Variants in PRKN observed in about 807,000 individuals in gnomAD.
PRKN encodes parkin RBR E3 ubiquitin protein ligase, also known as E3 ubiquitin-protein ligase parkin.
PRKN carries 56 observed loss-of-function variants against 59.5 expected under a neutral mutation model. The ratio of observed to expected loss-of-function variants is 0.94; its 90% CI spans 0.76 to 1.18. PRKN has a LOEUF of 1.18. Among genes scored for constraint, PRKN ranks in the 50% most tolerant of loss-of-function variants. The pLI is 0.00. For synonymous variants in PRKN, 250 were observed against 222.1 expected, an observed-to-expected ratio of 1.13 and a Z score of -1.12; for missense variants, 657 against 596.4, an observed-to-expected ratio of 1.10 and a Z score of -1.06.
At position 162,296,337 on chromosome 6, in the gene PRKN, A is replaced by G. The variant is rs1270185681; in HGVS notation, c.172-33572T>C. 3.3e-5 allele frequency among the ~76,000 whole-genome samples: 5 copies of G among 151,712 alleles called. No individual in the cohort carries two copies. The East Asian group carries it at 9.8e-4, about 30-fold the overall frequency. On this transcript the variant is annotated intron_variant, in intron 2 of 11. Transcript: ENST00000366898. ...CACACTCTCCAGGAAGGGTATGAGCACAGCCTCTACTGCAGGAGAGGATGG... is the reference window on the plus strand; with the variant it reads ...CACACTCTCCAGGAAGGGTATGAGCGCAGCCTCTACTGCAGGAGAGGATGG...
chr6:162,414,088 C>G (rs977548685), intron 2 of PRKN, among the ~76,000 whole-genome samples: 1 of 152,094 alleles, frequency 6.6e-6, no homozygotes, highest in Non-Finnish European at 1.5e-5. Flanking sequence ...GAGGCTGAAG[C>G]AGGAGAATTG....
chr6:161,798,738 C>T (rs965900200), intron 6 of PRKN, among the ~76,000 whole-genome samples: 2 of 152,174 alleles, frequency 1.3e-5, no homozygotes, highest in African/African-American at 4.8e-5. Context: ...ACAAAAAAGG[C>T]CACAAAATAT....
At chr6:162,024,277 A>C (rs1309915146) in intron 5 of PRKN, among the ~76,000 whole-genome samples, 1 of 132,500 alleles carries the variant, frequency 7.5e-6, no homozygotes, top group Non-Finnish European at 1.5e-5. Context: ...GGTTCACTGC[A>C]ACCTCTGCCT....
intron 3 of PRKN, among the ~76,000 whole-genome samples, chr6:162,233,498 A>G (rs943890112): frequency 1.3e-5 from 2 of 152,214 alleles, no homozygotes; most frequent in African/African-American, 4.8e-5. Flanking sequence ...GTTAATGGAA[A>G]GTGAAATACT....
intron 2 of PRKN, among the ~76,000 whole-genome samples, chr6:162,384,645 T>A (rs1415055285): frequency 7.9e-6 from 1 of 126,706 alleles, no homozygotes; most frequent in South Asian, 2.7e-4. Flanking sequence ...AGCTTCAATT[T>A]GTAAAAAAAA....
intron 7 of PRKN, among the ~76,000 whole-genome samples, chr6:161,687,774 A>T (rs1422365411): frequency 6.6e-6 from 1 of 152,102 alleles, no homozygotes; most frequent in Non-Finnish European, 1.5e-5. Flanking sequence ...TCTATTAAAA[A>T]TATATTAAAC....
At chr6:162,218,355 T>C (rs1213932433) in intron 3 of PRKN, among the ~76,000 whole-genome samples, 1 of 152,068 alleles carries the variant, frequency 6.6e-6, no homozygotes, top group South Asian at 2.1e-4. Context: ...GAGGCTGTCG[T>C]GACTCGTTCA....
chr6:162,022,662 A>C (rs978272986), intron 5 of PRKN, among the ~76,000 whole-genome samples: 11 of 152,132 alleles, frequency 7.2e-5, no homozygotes, highest in Admixed American at 1.3e-4. Context: ...GCTGTGCAGA[A>C]GCTCTTTAGC....
At chr6:161,648,499 A>C (rs1784039338) in intron 7 of PRKN, among the ~76,000 whole-genome samples, 1 of 152,200 alleles carries the variant, frequency 6.6e-6, no homozygotes, top group South Asian at 2.1e-4. Flanking sequence ...GCAACTGTCC[A>C]TGGAGCCAGC....
In PRKN at chr6:162,056,252, T is replaced by C. The variant is rs1450781848; in HGVS notation, c.535-2078A>G. Among the ~76,000 whole-genome samples, 1 of 140,656 alleles carries C rather than the reference T, an allele frequency of 7.1e-6. No homozygotes were observed. The highest frequency in any genetic ancestry group is 2.7e-5 in the African/African-American group (1 of 37,190). The allele number at this position is 140,656 out of a possible 152,430, so 92.3% of individuals were successfully genotyped here. On this transcript the variant is annotated intron_variant, in intron 4 of 11. Coordinates refer to ENST00000366898, the MANE Select transcript of PRKN (RefSeq NM_004562.3). The surrounding 1 kb of genome is among the most constrained non-coding windows in gnomAD (Gnocchi z 4.9). ...ACACGCCTAACACACCCCACACACA[T>C]ACATCCAAACACATACATGCACACC...
intron 7 of PRKN, among the ~76,000 whole-genome samples, chr6:161,783,391 G>T (rs749952309): frequency 2.0e-5 from 3 of 152,128 alleles, no homozygotes; most frequent in Non-Finnish European, 2.9e-5. Context: ...ACGAAAGGGA[G>T]CCAGAGGTCC....
intron 1 of PRKN, among the ~76,000 whole-genome samples, chr6:162,471,566 C>T (rs1481097278): frequency 6.6e-6 from 1 of 152,170 alleles, no homozygotes; most frequent in Non-Finnish European, 1.5e-5. Context: ...GCTTATACTG[C>T]AATTATTAAT....
intron 4 of PRKN, among the ~76,000 whole-genome samples, chr6:162,099,729 G>T (rs1043632718): frequency 7.2e-5 from 11 of 152,170 alleles, no homozygotes; most frequent in Admixed American, 5.9e-4. Flanking sequence ...CAGCTAAATT[G>T]AGACAATATG....
chr6:161,370,191 C>T (rs1430246871), intron 10 of PRKN, among the ~76,000 whole-genome samples: 1 of 151,782 alleles, frequency 6.6e-6, no homozygotes, highest in Non-Finnish European at 1.5e-5. Flanking sequence ...TCTAGGAGTT[C>T]AAGGCCAGAC....
At chr6:162,529,030 C>T (rs1270962403) in intron 1 of PRKN, among the ~76,000 whole-genome samples, 5 of 152,192 alleles carry the variant, frequency 3.3e-5, no homozygotes, top group African/African-American at 1.2e-4. Flanking sequence ...TGCACCATCA[C>T]ACCGAGCTAA....
Position 162,190,069 on chromosome 6 carries a change from G to A in PRKN, c.534+11062C>T, listed in dbSNP as rs183182763. 1.2e-4 allele frequency among the ~76,000 whole-genome samples: 19 copies of A among 152,204 alleles called. No homozygotes were observed. In the East Asian group the frequency reaches 2.5e-3, roughly 20 times the overall value. ...TTTGAAACTAGCCGTGGGAGAACCC[G>A]TAGTTCAATCATACCAACAAATGAC... On this transcript the variant is annotated intron_variant, in intron 4 of 11. Coordinates refer to ENST00000366898, the MANE Select transcript of PRKN (RefSeq NM_004562.3).
intron 3 of PRKN, 113 bp from the exon 4 acceptor site, chr6:162,201,365 T>C (rs1051798784): frequency 1.1e-6 from 1 of 902,910 alleles, no homozygotes; most frequent in Non-Finnish European, 1.8e-6. Flanking sequence ...TCAGGAACAT[T>C]TTGAAACATT....
intron 9 of PRKN, among the ~76,000 whole-genome samples, chr6:161,420,448 G>T (rs149124868): frequency 1.3e-5 from 2 of 152,126 alleles, no homozygotes; most frequent in African/African-American, 4.8e-5. Context: ...GATGCCAACT[G>T]TTGGTGCCAG....
Position 161,371,445 on chromosome 6 carries a change from G to T in PRKN, c.1168-11240C>A, listed in dbSNP as rs2114896719. The stretch of plus-strand genomic sequence containing the variant: ...CTCCCAAAGTGCTTGGATTACAGGT[G>T]TGAGCCACTGCGCCCGGCCTATTTT... On this transcript the variant is annotated intron_variant, in intron 10 of 11. Coordinates refer to ENST00000366898, the MANE Select transcript of PRKN (RefSeq NM_004562.3). This position sits in a 1 kb window ranked among gnomAD's most constrained non-coding sequence, Gnocchi z 5.5. 1.3e-5 allele frequency among the ~76,000 whole-genome samples: 2 copies of T among 151,082 alleles called. No homozygotes were observed. The highest frequency in any genetic ancestry group is 4.9e-5 in the African/African-American group (2 of 41,076).
Sources: allele counts gnomAD v4.1 joint callset (sites outside exome capture counted in the v4.1 genomes callset), GRCh38; gene constraint gnomAD v4.1.1; non-coding constraint Gnocchi (gnomAD v3.1); transcripts MANE v1.5; gene names NCBI Gene and HGNC (gene_info 2026-07-23, HGNC 2026-07-21).